The following CDH19 variants were observed in gnomAD, a reference collection of about 807,000 sequenced individuals.
CDH19 encodes cadherin-19.
CDH19 carries 67 observed loss-of-function variants against 64.2 expected under a neutral mutation model. The observed-to-expected ratio is 1.04, with a 90% CI of 0.86 to 1.28. The LOEUF is 1.28. Among genes scored for constraint, CDH19 ranks in the 50% most tolerant of loss-of-function variants. CDH19 has a pLI of 0.00. For synonymous variants in CDH19, 346 were observed against 319.3 expected, an observed-to-expected ratio of 1.08 and a Z score of -0.89; for missense variants, 1,030 against 929.0, an observed-to-expected ratio of 1.11 and a Z score of -1.41.
intron 3 of CDH19, among the ~76,000 whole-genome samples, chr18:66,557,559 T>A (rs1281156818): frequency 2.0e-5 from 3 of 151,982 alleles, no homozygotes; most frequent in African/African-American, 7.2e-5. Flanking sequence ...TTGATGGGGA[T>A]TTTAATTTCT....
At chr18:66,586,185 G>A (rs1202752759) in intron 1 of CDH19, among the ~76,000 whole-genome samples, 2 of 151,996 alleles carry the variant, frequency 1.3e-5, no homozygotes, top group Non-Finnish European at 2.9e-5. Flanking sequence ...TTAATATAAT[G>A]TCTCCATTTT....
intron 3 of CDH19, among the ~76,000 whole-genome samples, chr18:66,563,495 A>G (rs983487861): frequency 1.2e-4 from 18 of 152,136 alleles, no homozygotes; most frequent in Admixed American, 4.6e-4. Context: ...TACAGATCAA[A>G]TAATATTATA....
In CDH19 at chr18:66,551,218, T is replaced by A. The variant is rs974127468; in HGVS notation, c.651A>T (p.Gln217His). 5.0e-5 allele frequency: 78 copies of A among 1,567,468 alleles called. No homozygotes were observed. The highest frequency in any genetic ancestry group is 6.9e-5 in the Non-Finnish European group (78 of 1,138,364). Reference sequence around the variant, plus strand: ...CTTGAATGATTACCCAATACTCATCTTGCAGTTCTCTATCCATTTTAGAAG... The same window carrying A: ...CTTGAATGATTACCCAATACTCATCATGCAGTTCTCTATCCATTTTAGAAG... ...RISSKMDRELQDEYWVIIQAK... is the reference protein window; with the variant it reads ...RISSKMDRELHDEYWVIIQAK... Residue 217 changes from glutamine to histidine, a missense_variant, in exon 5 of 12, where the codon CAA becomes CAT. Gln to His is a conservative substitution (Grantham distance 24). Coordinates refer to ENST00000262150, the MANE Select transcript of CDH19 (RefSeq NM_021153.4).
intron 4 of CDH19, 146 bp from the exon 5 acceptor site, chr18:66,551,404 A>C: frequency 1.7e-6 from 1 of 586,720 alleles, no homozygotes; most frequent in Non-Finnish European, 3.0e-6. Flanking sequence ...AAAAATAATA[A>C]AAAATAAATT....
In CDH19 at chr18:66,544,864, C is replaced by T; in HGVS notation, c.815G>A (p.Gly272Glu). ...RLTVSESAPT[G>E]TSIGTIMAYD... ...TGCCATGATTGTTCCTATAGAAGTC[C>T]CAGTGGGTGCAGATTCAGAGACAGT... The change falls in exon 6 of 12, where the codon GGG (glycine) becomes GAG (glutamate). Residue 272 changes from glycine to glutamate, a missense_variant. Gly to Glu is a moderately conservative substitution (Grantham distance 98). Coordinates refer to ENST00000262150, the MANE Select transcript of CDH19 (RefSeq NM_021153.4). 6.2e-7 allele frequency: 1 copy of T among 1,611,072 alleles called. No homozygotes were observed. The highest frequency in any genetic ancestry group is 8.5e-7 in the Non-Finnish European group (1 of 1,178,656).
chr18:66,551,765 A>C (rs562218532), intron 4 of CDH19, among the ~76,000 whole-genome samples: 1 of 152,164 alleles, frequency 6.6e-6, no homozygotes, highest in Admixed American at 6.6e-5. Flanking sequence ...GTATACACAT[A>C]TATAATATAT....
intron 3 of CDH19, among the ~76,000 whole-genome samples, chr18:66,561,284 A>G (rs1355475671): frequency 6.6e-6 from 1 of 152,142 alleles, no homozygotes; most frequent in African/African-American, 2.4e-5. Context: ...CTTCTAGGAC[A>G]TGATGACAGA....
At chr18:66,585,564 T>C (rs17810856) in intron 1 of CDH19, among the ~76,000 whole-genome samples, 23,484 of 152,116 alleles carry the variant, frequency 0.15, 2,291 homozygotes, top group South Asian at 0.21. Context: ...TCCAAAATAC[T>C]GTCCGGCACG....
At chr18:66,582,236 A>G (rs141838637) in intron 1 of CDH19, among the ~76,000 whole-genome samples, 6 of 152,168 alleles carry the variant, frequency 3.9e-5, no homozygotes, top group South Asian at 2.1e-4. Flanking sequence ...TCTTGAGGTC[A>G]AGTAAAAAAA....
intron 11 of CDH19, among the ~76,000 whole-genome samples, chr18:66,507,976 T>C (rs2144334549): frequency 6.6e-6 from 1 of 151,950 alleles, no homozygotes; most frequent in South Asian, 2.1e-4. Flanking sequence ...ATAGCCAAGA[T>C]ATGGAATTGA....
At chr18:66,559,661 C>T (rs1003668425) in intron 3 of CDH19, among the ~76,000 whole-genome samples, 2 of 145,318 alleles carry the variant, frequency 1.4e-5, no homozygotes, top group Non-Finnish European at 3.0e-5. Context: ...TATAAAAGTG[C>T]ATTTTTTAAT....
At chr18:66,554,546 A>G in intron 3 of CDH19, 22 bp from the exon 4 acceptor site, 1 of 1,597,934 alleles carries the variant, frequency 6.3e-7, no homozygotes, top group East Asian at 2.3e-5. Flanking sequence ...ATAATACAGG[A>G]AATTAAGATT....
At position 66,502,782 on chromosome 18, in the gene CDH19, T is replaced by G. The variant is rs1598959060; in HGVS notation, c.*2030A>C. ...TCCTCTTTCCTAATAATGGTATCAT[T>G]GCGTTAAGGATTGACTACATCTTAT... On this transcript the variant is annotated 3_prime_UTR_variant, in exon 12 of 12. Coordinates refer to ENST00000262150, the MANE Select transcript of CDH19 (RefSeq NM_021153.4). 1 of 152,052 alleles carries G rather than the reference T, an allele frequency of 6.6e-6. No individual in the cohort carries two copies. Among genetic ancestry groups the G allele is most frequent in the East Asian group, 1.9e-4 (1 of 5,166 alleles). The allele number at this position is 152,052 out of a possible 1,614,324, so 9.4% of individuals were successfully genotyped here.
chr18:66,594,859 G>GT (rs1364956618), intron 1 of CDH19, among the ~76,000 whole-genome samples: 1 of 103,874 alleles, frequency 9.6e-6, no homozygotes, highest in African/African-American at 3.8e-5. Flanking sequence ...CTGTTGTGGG[G>GT]TGGGGGGAGG....
At chr18:66,520,512 G>T (rs1985938432) in intron 9 of CDH19, among the ~76,000 whole-genome samples, 1 of 151,410 alleles carries the variant, frequency 6.6e-6, no homozygotes. Flanking sequence ...GAGTTAATTT[G>T]AGTTATTGTA....
rs377549380 is a variant in CDH19 at position 66,506,677 on chromosome 18, C to CTG, written c.1829-1377_1829-1376dup. Among the ~76,000 whole-genome samples, 105 of 150,596 alleles carry CTG rather than the reference C, an allele frequency of 7.0e-4. 2 individuals carry two copies. In the South Asian group the frequency reaches 0.014, roughly 20 times the overall value. ...TTTAAATAAAAATGTGTGTGTGTGT[C>CTG]TGTGTGTGTGTGTGTCTTTGCGTGT... On this transcript the variant is annotated intron_variant, in intron 11 of 11. Coordinates refer to ENST00000262150, the MANE Select transcript of CDH19 (RefSeq NM_021153.4).
At chr18:66,530,146 T>C (rs1313678956) in intron 8 of CDH19, among the ~76,000 whole-genome samples, 180 bp from the exon 9 acceptor site, 1 of 152,024 alleles carries the variant, frequency 6.6e-6, no homozygotes, top group Admixed American at 6.6e-5. Flanking sequence ...TAGAAAAAAA[T>C]TCCATGCTCA....
intron 9 of CDH19, among the ~76,000 whole-genome samples, chr18:66,513,795 T>C (rs1033906884): frequency 1.3e-5 from 2 of 151,368 alleles, no homozygotes; most frequent in African/African-American, 2.4e-5. Flanking sequence ...GCTTGAGAGA[T>C]TGGGAAAAGA....
At chr18:66,521,561 C>T (rs1215871908) in intron 9 of CDH19, among the ~76,000 whole-genome samples, 1 of 145,740 alleles carries the variant, frequency 6.9e-6, no homozygotes. Flanking sequence ...GTTTTTGAGA[C>T]ATGTCCTCAC....
Sources: gnomAD v4.1 joint callset for allele counts (sites outside exome capture counted in the v4.1 genomes callset) on GRCh38, gnomAD v4.1.1 for gene constraint, MANE v1.5 for transcripts, NCBI Gene and HGNC (gene_info 2026-07-23, HGNC 2026-07-21) for gene names.